The following MECOM variants were observed in gnomAD, a reference collection of about 807,000 sequenced individuals.
MECOM encodes MDS1 and EVI1 complex locus.
Under a neutral mutation model 116.3 loss-of-function variants are expected in MECOM, and 13 were observed. The observed-to-expected ratio is 0.11, with a 90% CI of 0.07 to 0.18. The LOEUF (loss-of-function observed/expected upper bound fraction) is 0.18, where lower values mean the gene tolerates loss of function less well. MECOM is among the 10% of genes least tolerant of loss of function. The probability of loss-of-function intolerance (pLI) is 1.00; values close to 1 mark genes in which losing one functional copy is unlikely to be tolerated. For synonymous variants in MECOM, 528 were observed against 535.2 expected, an observed-to-expected ratio of 0.99 and a Z score of 0.19; for missense variants, 1,299 against 1,509.0, an observed-to-expected ratio of 0.86 and a Z score of 2.31.
intron 2 of MECOM, among the ~76,000 whole-genome samples, chr3:169,300,153 G>A (rs1358946823): frequency 6.6e-6 from 1 of 152,118 alleles, no homozygotes; most frequent in African/African-American, 2.4e-5. Flanking sequence ...TTATCTCTTG[G>A]CCCTCAGCCT....
intron 1 of MECOM, among the ~76,000 whole-genome samples, chr3:169,384,918 C>T (rs1026250538): frequency 1.3e-5 from 2 of 152,002 alleles, no homozygotes; most frequent in African/African-American, 4.8e-5. Flanking sequence ...GCCTGGGCAA[C>T]ATGACGAAAC....
chr3:169,588,254 T>C (rs1247660364), intron 1 of MECOM, among the ~76,000 whole-genome samples: 3 of 152,210 alleles, frequency 2.0e-5, no homozygotes, highest in Non-Finnish European at 2.9e-5. Context: ...TTGCTGGCTA[T>C]AGATGATGAC....
chr3:169,322,257 T>C (rs1720989841), intron 2 of MECOM, among the ~76,000 whole-genome samples: 1 of 152,172 alleles, frequency 6.6e-6, no homozygotes, highest in South Asian at 2.1e-4. Context: ...CTTCTTTATT[T>C]TCTTTATTTG....
At chr3:169,374,714 T>C (rs1236497857) in intron 2 of MECOM, among the ~76,000 whole-genome samples, 1 of 151,828 alleles carries the variant, frequency 6.6e-6, no homozygotes, top group African/African-American at 2.4e-5. Flanking sequence ...TGGGACAAAA[T>C]TTAGGTAGTA....
chr3:169,349,936 C>A (rs1726022829), intron 2 of MECOM, among the ~76,000 whole-genome samples: 1 of 151,618 alleles, frequency 6.6e-6, no homozygotes, highest in African/African-American at 2.4e-5. Flanking sequence ...GAGAGAGATA[C>A]CAAAATAAAT....
intron 1 of MECOM, among the ~76,000 whole-genome samples, chr3:169,582,794 A>G (rs574851633): frequency 1.3e-5 from 2 of 152,312 alleles, no homozygotes; most frequent in South Asian, 4.1e-4. Context: ...CACATTGTAC[A>G]AGTTCCTTCC....
At chr3:169,335,265 A>G (rs1372202563) in intron 2 of MECOM, among the ~76,000 whole-genome samples, 5 of 152,164 alleles carry the variant, frequency 3.3e-5, no homozygotes, top group Non-Finnish European at 5.9e-5. Flanking sequence ...TTGCACTAGT[A>G]AGAAGTTTGG....
chr3:169,457,881 T>C (rs1416094216), intron 1 of MECOM, among the ~76,000 whole-genome samples: 1 of 152,212 alleles, frequency 6.6e-6, no homozygotes, highest in Non-Finnish European at 1.5e-5. Context: ...TGATGTAACC[T>C]AAGCTAGGTT....
intron 2 of MECOM, among the ~76,000 whole-genome samples, chr3:169,249,099 A>G (rs981415165): frequency 6.6e-6 from 1 of 152,060 alleles, no homozygotes; most frequent in African/African-American, 2.4e-5. Context: ...GGCCCACAAA[A>G]CCGATTTCTT....
chr3:169,585,005 C>T (rs1224677138), intron 1 of MECOM, among the ~76,000 whole-genome samples: 1 of 152,132 alleles, frequency 6.6e-6, no homozygotes, highest in Non-Finnish European at 1.5e-5. Flanking sequence ...CTTTCATTTC[C>T]ACAGATTATC....
intron 2 of MECOM, among the ~76,000 whole-genome samples, chr3:169,207,834 A>C (rs1750150092): frequency 6.6e-6 from 1 of 152,162 alleles, no homozygotes; most frequent in Non-Finnish European, 1.5e-5. Flanking sequence ...AGATGATTTT[A>C]ACCAATATTG....
chr3:169,615,443 A>T (rs1769880613), intron 1 of MECOM, among the ~76,000 whole-genome samples: 1 of 152,246 alleles, frequency 6.6e-6, no homozygotes, highest in Non-Finnish European at 1.5e-5. Context: ...GATTACTTAT[A>T]TATTAGTAGT....
intron 12 of MECOM, among the ~76,000 whole-genome samples, chr3:169,095,941 C>G (rs1298838774): frequency 6.6e-6 from 1 of 151,966 alleles, no homozygotes; most frequent in Non-Finnish European, 1.5e-5. Flanking sequence ...TTTCATTTCT[C>G]TTTTTCTGAA....
intron 1 of MECOM, among the ~76,000 whole-genome samples, chr3:169,660,628 AG>A (rs981196961): frequency 6.6e-6 from 1 of 152,084 alleles, no homozygotes; most frequent in African/African-American, 2.4e-5. Context: ...GCCACAATAA[AG>A]GTAGTTTTGT....
chr3:169,145,069 G>A (rs1169131917), intron 2 of MECOM: 7 of 1,522,064 alleles, frequency 4.6e-6, no homozygotes, highest in African/African-American at 1.4e-5. Context: ...CTTTGGCCAT[G>A]AGGAAATTGA....
intron 1 of MECOM, among the ~76,000 whole-genome samples, chr3:169,533,210 T>G (rs1045132693): frequency 5.3e-5 from 8 of 152,194 alleles, no homozygotes; most frequent in African/African-American, 1.7e-4. Context: ...GATCAAGCTT[T>G]GTTTCTCTGT....
intron 2 of MECOM, among the ~76,000 whole-genome samples, chr3:169,199,656 C>T (rs2149445452): frequency 6.6e-6 from 1 of 152,118 alleles, no homozygotes; most frequent in East Asian, 1.9e-4. Flanking sequence ...TTACGTTACA[C>T]ATGCACAACA....
At chr3:169,536,735 A>G (rs1388079735) in intron 1 of MECOM, among the ~76,000 whole-genome samples, 2 of 152,128 alleles carry the variant, frequency 1.3e-5, no homozygotes, top group Non-Finnish European at 2.9e-5. Context: ...TCAAGACCTC[A>G]GCTCCTTTTA....
chr3:169,131,421 G>C lies in MECOM; in HGVS notation c.613+8C>G. 1 of 1,610,492 alleles carries C rather than the reference G, an allele frequency of 6.2e-7. No individual in the cohort carries two copies. Among genetic ancestry groups the C allele is most frequent in the Non-Finnish European group, 8.5e-7 (1 of 1,176,792 alleles). The stretch of plus-strand genomic sequence containing the variant: ...GGTGATAAGGAGGGTGGCGTGAGTG[G>C]TACTAACCGTGGATATCCGGCGCCA... On this transcript the variant is annotated splice_region_variant and intron_variant, in intron 4 of 16. Coordinates refer to ENST00000651503, the MANE Select transcript of MECOM (RefSeq NM_004991.4).
Sources: allele counts gnomAD v4.1 joint callset (sites outside exome capture counted in the v4.1 genomes callset), GRCh38; gene constraint gnomAD v4.1.1; transcripts MANE v1.5; gene names NCBI Gene and HGNC (gene_info 2026-07-23, HGNC 2026-07-21).